MARCHF1: variants seen among roughly 807,000 people sequenced by gnomAD.
MARCHF1 encodes E3 ubiquitin-protein ligase MARCHF1.
Under a neutral mutation model 54.2 loss-of-function variants are expected in MARCHF1, and 40 were observed. That is an observed-to-expected ratio of 0.74 (90% CI 0.57 to 0.96). MARCHF1 has a LOEUF of 0.96. Among genes scored for constraint, MARCHF1 ranks in the 40% least tolerant of loss-of-function variants. The probability of loss-of-function intolerance (pLI) is 0.00; values close to 1 mark genes in which losing one functional copy is unlikely to be tolerated. For missense variants in MARCHF1, 586 were observed against 656.5 expected (o/e 0.89, Z 1.17); for synonymous variants, 236 against 236.3 (o/e 1.00, Z 0.01).
At chr4:164,144,458 T>C (rs1278940612) in intron 1 of MARCHF1, among the ~76,000 whole-genome samples, 5 of 151,204 alleles carry the variant, frequency 3.3e-5, no homozygotes, top group African/African-American at 1.2e-4. Context: ...GAACAGAAAT[T>C]ATAACAAACG....
At chr4:163,990,617 T>A (rs1752952851) in intron 2 of MARCHF1, among the ~76,000 whole-genome samples, 1 of 152,182 alleles carries the variant, frequency 6.6e-6, no homozygotes. Context: ...ATGCCATGTC[T>A]ACAGTTAAAA....
At chr4:163,725,775 T>G (rs555418612) in intron 4 of MARCHF1, among the ~76,000 whole-genome samples, 9 of 152,162 alleles carry the variant, frequency 5.9e-5, no homozygotes, top group Non-Finnish European at 1.2e-4. Flanking sequence ...ATTCAAGCTT[T>G]CCATGCCTGT....
chr4:163,549,493 G>C (rs529540840), intron 8 of MARCHF1, among the ~76,000 whole-genome samples: 1 of 152,140 alleles, frequency 6.6e-6, no homozygotes, highest in East Asian at 1.9e-4. Context: ...CTACACTGCC[G>C]ACCCTCTGAT....
At chr4:164,333,648 C>A (rs920140895) in intron 1 of MARCHF1, among the ~76,000 whole-genome samples, 2 of 152,120 alleles carry the variant, frequency 1.3e-5, no homozygotes, top group Non-Finnish European at 2.9e-5. Flanking sequence ...TTTCCCGAGC[C>A]ACAACAATAC....
intron 2 of MARCHF1, among the ~76,000 whole-genome samples, chr4:164,014,873 T>C (rs547568690): frequency 3.8e-4 from 58 of 152,272 alleles, no homozygotes; most frequent in African/African-American, 1.4e-3. Flanking sequence ...AGCACTCAGA[T>C]ATATAAAGCA....
intron 4 of MARCHF1, among the ~76,000 whole-genome samples, chr4:163,827,409 A>C (rs1238115763): frequency 6.6e-6 from 1 of 152,198 alleles, no homozygotes; most frequent in Admixed American, 6.6e-5. Flanking sequence ...ATGAAAATAA[A>C]ATCTTAGGTC....
At chr4:164,072,337 G>A (rs991226418) in intron 2 of MARCHF1, among the ~76,000 whole-genome samples, 1 of 152,148 alleles carries the variant, frequency 6.6e-6, no homozygotes, top group Non-Finnish European at 1.5e-5. Flanking sequence ...TGTAATGCTA[G>A]TACTTATGGA....
At chr4:164,172,714 A>C (rs1730558739) in intron 1 of MARCHF1, among the ~76,000 whole-genome samples, 1 of 152,218 alleles carries the variant, frequency 6.6e-6, no homozygotes, top group African/African-American at 2.4e-5. Flanking sequence ...GCGGTGGCTC[A>C]CGCCTGTAAT....
chr4:163,865,466 G>A (rs1750028045), intron 3 of MARCHF1, among the ~76,000 whole-genome samples: 1 of 151,732 alleles, frequency 6.6e-6, no homozygotes, highest in African/African-American at 2.4e-5. Context: ...AAAAGCCATT[G>A]GAATGATTAG....
chr4:163,768,577 A>G (rs543690751), intron 4 of MARCHF1, among the ~76,000 whole-genome samples: 192 of 152,302 alleles, frequency 1.3e-3, no homozygotes, highest in African/African-American at 4.6e-3. Flanking sequence ...ATTTTATTAA[A>G]ATCATGCTAT....
At chr4:163,783,748 T>A (rs1363086106) in intron 4 of MARCHF1, among the ~76,000 whole-genome samples, 3 of 152,208 alleles carry the variant, frequency 2.0e-5, no homozygotes, top group Non-Finnish European at 4.4e-5. Context: ...AGCTCTGTAT[T>A]TTTGAACTCT....
intron 5 of MARCHF1, among the ~76,000 whole-genome samples, chr4:163,633,676 G>A (rs2111003062): frequency 6.6e-6 from 1 of 152,252 alleles, no homozygotes; most frequent in South Asian, 2.1e-4. Flanking sequence ...CACTCTGCAG[G>A]ATATTATCCA....
At chr4:164,374,194 G>A (rs1340764491) in intron 1 of MARCHF1, among the ~76,000 whole-genome samples, 1 of 151,972 alleles carries the variant, frequency 6.6e-6, no homozygotes, top group African/African-American at 2.4e-5. Flanking sequence ...TATACACTCA[G>A]AAAAGTATTT....
At chr4:163,670,995 C>T (rs1490983904) in intron 5 of MARCHF1, among the ~76,000 whole-genome samples, 1 of 152,168 alleles carries the variant, frequency 6.6e-6, no homozygotes, top group Non-Finnish European at 1.5e-5. Context: ...ACATGAAATT[C>T]ATTGATTTCA....
At chr4:163,717,678 C>G (rs1368354935) in intron 4 of MARCHF1, among the ~76,000 whole-genome samples, 1 of 152,116 alleles carries the variant, frequency 6.6e-6, no homozygotes, top group South Asian at 2.1e-4. Context: ...GACTTTTTAA[C>G]GACCGCCATT....
At chr4:164,283,622 T>C (rs560465835) in intron 1 of MARCHF1, among the ~76,000 whole-genome samples, 1 of 151,104 alleles carries the variant, frequency 6.6e-6, no homozygotes, top group Non-Finnish European at 1.5e-5. Context: ...TCCTGGAAAC[T>C]CATCAGAATG....
intron 3 of MARCHF1, among the ~76,000 whole-genome samples, chr4:163,969,562 C>T (rs956413602): frequency 6.6e-6 from 1 of 152,140 alleles, no homozygotes; most frequent in Non-Finnish European, 1.5e-5. Flanking sequence ...AATGATTTTT[C>T]TCAGACGGTA....
At chr4:163,562,852 C>G (rs767469196) in intron 8 of MARCHF1, among the ~76,000 whole-genome samples, 1 of 152,182 alleles carries the variant, frequency 6.6e-6, no homozygotes, top group Non-Finnish European at 1.5e-5. Flanking sequence ...GGTCAGAAAG[C>G]TGAGTATCAT....
chr4:163,953,523 T>C (rs193035818), intron 3 of MARCHF1, among the ~76,000 whole-genome samples: 61 of 152,312 alleles, frequency 4.0e-4, no homozygotes, highest in African/African-American at 1.4e-3. Context: ...GCCTCTGTTT[T>C]TCTTCTCAGA....
Sources: allele counts gnomAD v4.1 joint callset (sites outside exome capture counted in the v4.1 genomes callset), GRCh38; gene constraint gnomAD v4.1.1; transcripts MANE v1.5; gene names NCBI Gene and HGNC (gene_info 2026-07-23, HGNC 2026-07-21).